The following MSMO1 variants were observed in gnomAD, a reference collection of about 807,000 sequenced individuals.
MSMO1 encodes the protein C-4 methylsterol oxidase.
Under a neutral mutation model 30.4 loss-of-function variants are expected in MSMO1, and 18 were observed. That is an observed-to-expected ratio of 0.59 (90% CI 0.41 to 0.88). MSMO1 has a LOEUF of 0.88. Among genes scored for constraint, MSMO1 ranks in the 40% least tolerant of loss-of-function variants. The probability of loss-of-function intolerance (pLI) is 0.00; values close to 1 mark genes in which losing one functional copy is unlikely to be tolerated. For synonymous variants in MSMO1, 84 were observed against 107.9 expected (o/e 0.78, Z 1.37); for missense variants, 284 against 340.5 (o/e 0.83, Z 1.31).
chr4:165,338,551 G>A, intron 3 of MSMO1, 101 bp from the exon 4 acceptor site: 1 of 990,434 alleles, frequency 1.0e-6, no homozygotes, highest in Non-Finnish European at 1.6e-6. Flanking sequence ...GTAAGTGGGT[G>A]GGTGGTTTTA....
chr4:165,341,804 C>G lies in MSMO1; in HGVS notation c.740C>G (p.Ser247Cys). The G allele has an allele frequency of 6.2e-7, 1 of 1,613,552 alleles. No individual in the cohort carries two copies. The highest frequency in any genetic ancestry group is 8.5e-7 in the Non-Finnish European group (1 of 1,179,628). The change falls in exon 6 of 6, where the codon TCT becomes TGT. Residue 247 changes from serine (S) to cysteine (C), a missense_variant. Coordinates refer to ENST00000261507, the MANE Select transcript of MSMO1 (RefSeq NM_006745.5). ...PLNLIPFYAG[S>C]RHHDFHHMNF... is the part of the protein sequence containing the mutation. ...AATCTGATCCCTTTCTATGCTGGTTCTCGGCATCATGATTTCCACCACATG... is the reference window on the plus strand; with the variant it reads ...AATCTGATCCCTTTCTATGCTGGTTGTCGGCATCATGATTTCCACCACATG...
chr4:165,330,665 C>T (rs1391412296), intron 1 of MSMO1, among the ~76,000 whole-genome samples: 1 of 152,194 alleles, frequency 6.6e-6, no homozygotes, highest in African/African-American at 2.4e-5. Flanking sequence ...AGCCAGATTG[C>T]AAGTAGCTCA....
At chr4:165,329,627 T>TTTTTTTTTTTTTA (rs1560845659) in intron 1 of MSMO1, among the ~76,000 whole-genome samples, 1 of 115,362 alleles carries the variant, frequency 8.7e-6, no homozygotes, top group African/African-American at 3.4e-5. Flanking sequence ...CCATAGCGAT[T>TTTTTTTTTTTTTA]TTTTTTTTTT....
At position 165,338,563 on chromosome 4, in the gene MSMO1, G is replaced by A. The variant is rs192814912; in HGVS notation, c.405-89G>A. ...CTGGTAAGTGGGTGGGTGGTTTTAT[G>A]TAATGTCTCAAGCAGTGATCCCAAC... On this transcript the variant is annotated intron_variant, in intron 3 of 5. Coordinates refer to ENST00000261507, the MANE Select transcript of MSMO1 (RefSeq NM_006745.5). The A allele has an allele frequency of 1.9e-5, 23 of 1,204,256 alleles. No individual in the cohort carries two copies. In the Admixed American group the frequency reaches 3.2e-4, roughly 17 times the overall value. The allele number at this position is 1,204,256 out of a possible 1,614,324, so 74.6% of individuals were successfully genotyped here.
rs926763969 is a variant in MSMO1, at chr4:165,327,695, A to C, written c.-101A>C. 2.6e-5 allele frequency: 4 copies of C among 152,332 alleles called. No individual in the cohort carries two copies. The highest frequency in any genetic ancestry group is 5.9e-5 in the Non-Finnish European group (4 of 68,130). 9.4% of individuals were successfully genotyped at this position (152,332 alleles called of 1,614,324 possible). A position where few individuals can be genotyped will look rare whatever the true frequency, so the allele number is the denominator to read the frequency against. ...GCTCCACCCCCAAGCCAGGCGAGGC[A>C]GGTTCCGAGGTTGGAACACCTGGCG... On this transcript the variant is annotated 5_prime_UTR_variant, in exon 1 of 6. Transcript: ENST00000261507.
intron 1 of MSMO1, among the ~76,000 whole-genome samples, chr4:165,330,485 T>G (rs1303081036): frequency 2.0e-5 from 3 of 152,248 alleles, no homozygotes. Flanking sequence ...CTGATAAAAC[T>G]GCATCACAGA....
chr4:165,333,293 T>C lies in MSMO1; in HGVS notation c.-31-47T>C. ...ATGCATTTTTTAACTGTTTTATTTT[T>C]TGAAAGCTCATTGTTTAACTTATTA... On this transcript the variant is annotated intron_variant, in intron 1 of 5. Transcript: ENST00000261507. 16 of 1,474,654 alleles carry C rather than the reference T, an allele frequency of 1.1e-5. No individual in the cohort carries two copies. In the South Asian group the frequency reaches 1.9e-4, roughly 17 times the overall value. 91.3% of individuals were successfully genotyped at this position (1,474,654 alleles called of 1,614,324 possible).
chr4:165,337,669 T>TTA, intron 2 of MSMO1, 120 bp from the exon 3 acceptor site: 1 of 968,210 alleles, frequency 1.0e-6, no homozygotes, highest in Admixed American at 2.1e-5. Context: ...TGAGTCTTAG[T>TTA]TATATAAAGT....
At position 165,341,962 on chromosome 4, in the gene MSMO1, C is replaced by T. The variant is rs765653453; in HGVS notation, c.*16C>T. The T allele has an allele frequency of 6.3e-7, 1 of 1,588,038 alleles. No individual in the cohort carries two copies. The highest frequency in any genetic ancestry group is 2.2e-5 in the East Asian group (1 of 44,662). Reference sequence around the variant, plus strand: ...GACTGAATAAATATCTCACGTAAACCTTCCTGAAAGATAAACGTTTTCCTG... The same window carrying T: ...GACTGAATAAATATCTCACGTAAACTTTCCTGAAAGATAAACGTTTTCCTG... On this transcript the variant is annotated 3_prime_UTR_variant, in exon 6 of 6. Coordinates refer to ENST00000261507, the MANE Select transcript of MSMO1 (RefSeq NM_006745.5).
At position 165,341,787 on chromosome 4, in the gene MSMO1, C is replaced by A. The variant is rs752259040; in HGVS notation, c.723C>A (p.Ile241=). The A allele has an allele frequency of 6.2e-7, 1 of 1,613,306 alleles. No homozygotes were observed. The highest frequency in any genetic ancestry group is 8.5e-7 in the Non-Finnish European group (1 of 1,179,408). ...YDIPLNPLNL[I]PFYAGSRHHD... ...TTCCTCTCAACCCTTTAAATCTGAT[C>A]CCTTTCTATGCTGGTTCTCGGCATC... The change falls in exon 6 of 6, where the codon ATC becomes ATA. Residue 241 remains isoleucine, a synonymous_variant. Transcript: ENST00000261507.
At chr4:165,337,265 C>CTCCATAATCTGTG (rs1297856795) in intron 2 of MSMO1, among the ~76,000 whole-genome samples, 1 of 152,156 alleles carries the variant, frequency 6.6e-6, no homozygotes, top group Non-Finnish European at 1.5e-5. Context: ...AATCTGTGAA[C>CTCCATAATCTGTG]TCCATAATCA....
intron 4 of MSMO1, among the ~76,000 whole-genome samples, chr4:165,338,995 A>G (rs1174066973): frequency 6.6e-6 from 1 of 150,560 alleles, no homozygotes. Context: ...AAAATATTAT[A>G]TGAAAGTTCG....
intron 1 of MSMO1, among the ~76,000 whole-genome samples, chr4:165,330,755 G>T (rs1245899474): frequency 6.6e-6 from 1 of 152,062 alleles, no homozygotes; most frequent in Non-Finnish European, 1.5e-5. Flanking sequence ...GCCCAGGCTA[G>T]AGTGCAGTCA....
Position 165,338,648 on chromosome 4 carries a change from A to T in MSMO1, c.405-4A>T, listed in dbSNP as rs755534708. Reference sequence around the variant, plus strand: ...TTACACATTACAACATTTTTATCTTAAAGGTATTTTCTTTTGGCAAGATGC... The same window carrying T: ...TTACACATTACAACATTTTTATCTTTAAGGTATTTTCTTTTGGCAAGATGC... On this transcript the variant is annotated splice_polypyrimidine_tract_variant and splice_region_variant and intron_variant, in intron 3 of 5. Coordinates refer to ENST00000261507, the MANE Select transcript of MSMO1 (RefSeq NM_006745.5). 6.8e-6 allele frequency: 11 copies of T among 1,607,076 alleles called. No homozygotes were observed. Among genetic ancestry groups the T allele is most frequent in the Non-Finnish European group, 9.4e-6 (11 of 1,173,902 alleles).
rs770909153 is a variant in MSMO1, at chr4:165,341,889, C to G, written c.825C>G (p.Asp275Glu). 1 of 1,613,220 alleles carries G rather than the reference C, an allele frequency of 6.2e-7. No homozygotes were observed. ...FTWWDRIFGTDSQYNAYNEKR... is the reference protein window; with the variant it reads ...FTWWDRIFGTESQYNAYNEKR... Reference sequence around the variant, plus strand: ...GGTGGGATCGAATTTTTGGAACAGACTCTCAGTATAATGCCTATAATGAAA... The same window carrying G: ...GGTGGGATCGAATTTTTGGAACAGAGTCTCAGTATAATGCCTATAATGAAA... The change falls in exon 6 of 6, where the codon GAC (aspartate) becomes GAG (glutamate). Residue 275 changes from aspartate (D) to glutamate (E), a missense_variant. By Grantham distance (45) the Asp-to-Glu change is conservative. Transcript: ENST00000261507.
chr4:165,336,526 G>C (rs1747550218), intron 2 of MSMO1, among the ~76,000 whole-genome samples: 1 of 152,178 alleles, frequency 6.6e-6, no homozygotes, highest in Admixed American at 6.5e-5. Flanking sequence ...CGATATCCCA[G>C]TCTACCTGGA....
At chr4:165,331,089 A>T (rs1334735372) in intron 1 of MSMO1, among the ~76,000 whole-genome samples, 1 of 152,008 alleles carries the variant, frequency 6.6e-6, no homozygotes, top group African/African-American at 2.4e-5. Context: ...GGATTACTTG[A>T]GCCTAGGAGT....
chr4:165,333,744 C>A, intron 2 of MSMO1, 119 bp downstream of exon 2: 13 of 1,103,148 alleles, frequency 1.2e-5, no homozygotes, highest in South Asian at 1.1e-4. Flanking sequence ...TATGAAGCCA[C>A]GTATGTAATT....
intron 1 of MSMO1, among the ~76,000 whole-genome samples, chr4:165,332,579 TC>T (rs1381598387): frequency 3.3e-5 from 5 of 152,144 alleles, no homozygotes; most frequent in African/African-American, 4.8e-5. Context: ...CACTGATGTA[TC>T]CCCCCTGCCC....
Sources: gnomAD v4.1 joint callset for allele counts (sites outside exome capture counted in the v4.1 genomes callset) on GRCh38, gnomAD v4.1.1 for gene constraint, MANE v1.5 for transcripts, NCBI Gene and HGNC (gene_info 2026-07-23, HGNC 2026-07-21) for gene names.